ADORA2A: variants seen among roughly 807,000 people sequenced by gnomAD.
ADORA2A encodes the protein adenosine A2a receptor, also known as adenosine receptor A2a.
ADORA2A carries 11 observed loss-of-function variants against 18.4 expected under a neutral mutation model. That is an observed-to-expected ratio of 0.60 (90% CI 0.38 to 0.99). ADORA2A has a LOEUF of 0.99. ADORA2A is among the 50% of genes least tolerant of loss of function. The pLI is 0.01. For synonymous variants in ADORA2A, 218 were observed against 237.3 expected, an observed-to-expected ratio of 0.92 and a Z score of 0.75; for missense variants, 449 against 556.1, an observed-to-expected ratio of 0.81 and a Z score of 1.94.
intron 2 of ADORA2A, among the ~76,000 whole-genome samples, chr22:24,438,022 C>T (rs1045829385): frequency 6.6e-5 from 10 of 152,272 alleles, no homozygotes; most frequent in African/African-American, 2.4e-4. Context: ...AGGGCCCAGG[C>T]AGCTCTGCAA....
chr22:24,440,359 C>T (rs932592396), intron 2 of ADORA2A, among the ~76,000 whole-genome samples: 1 of 152,236 alleles, frequency 6.6e-6, no homozygotes, highest in Admixed American at 6.5e-5. Flanking sequence ...GTTTCCATTT[C>T]TTGGATGCCT....
intron 1 of ADORA2A, chr22:24,431,211 G>A (rs2043025727): frequency 4.4e-6 from 2 of 456,652 alleles, no homozygotes; most frequent in Non-Finnish European, 4.4e-6. Flanking sequence ...GGAGGACTCG[G>A]CCCTCTCCAG....
chr22:24,425,392 G>T (rs1291256656), upstream of ADORA2A, among the ~76,000 whole-genome samples: 1 of 130,120 alleles, frequency 7.7e-6, no homozygotes, highest in Non-Finnish European at 1.6e-5. Flanking sequence ...GCGCCTCACA[G>T]GCTGGTCCAC....
intron 2 of ADORA2A, chr22:24,438,543 C>T (rs2043236987): frequency 6.6e-6 from 1 of 152,238 alleles, no homozygotes; most frequent in South Asian, 2.1e-4. Context: ...ATGGGCAAGT[C>T]TATGACCCTC....
Position 24,433,266 on chromosome 22 carries a change from T to C in ADORA2A, c.-139T>C. 1 of 788,356 alleles carries C rather than the reference T, an allele frequency of 1.3e-6. No individual in the cohort carries two copies. The highest frequency in any genetic ancestry group is 2.0e-6 in the Non-Finnish European group (1 of 506,400). The allele number at this position is 788,356 out of a possible 1,614,324, so 48.8% of individuals were successfully genotyped here. ...GCGCCCCAGCAGGGCTGCACTTGGC[T>C]CCTGTGAGGAAGGGGCTCAGGGGTC... On this transcript the variant is annotated 5_prime_UTR_variant, in exon 2 of 3. Coordinates refer to ENST00000337539, the MANE Select transcript of ADORA2A (RefSeq NM_000675.6).
In ADORA2A at chr22:24,441,042, C is replaced by T. The variant is rs1419521243; in HGVS notation, c.792C>T (p.His264=). 7 of 1,614,062 alleles carry T rather than the reference C, an allele frequency of 4.3e-6. No individual in the cohort carries two copies. Among genetic ancestry groups the T allele is most frequent in the East Asian group, 2.2e-5 (1 of 44,900 alleles). The part of the protein sequence containing the change: ...CFTFFCPDCS[H]APLWLMYLAI... ...CTTTCTTCTGCCCCGACTGCAGCCA[C>T]GCCCCTCTCTGGCTCATGTACCTGG... Residue 264 remains histidine (H), a synonymous_variant, in exon 3 of 3, where the codon CAC becomes CAT. Coordinates refer to ENST00000337539, the MANE Select transcript of ADORA2A (RefSeq NM_000675.6).
chr22:24,440,694 G>A lies in ADORA2A; in HGVS notation c.444G>A (p.Gln148=). The A allele has an allele frequency of 1.2e-6, 2 of 1,613,954 alleles. No homozygotes were observed. The highest frequency in any genetic ancestry group is 1.7e-6 in the Non-Finnish European group (2 of 1,179,814). Residue 148 remains glutamine, a synonymous_variant, in exon 3 of 3, where the codon CAG becomes CAA. Transcript: ENST00000337539. The stretch of plus-strand genomic sequence containing the variant: ...TGCTAGGTTGGAACAACTGCGGTCA[G>A]CCAAAGGAGGGCAAGAACCACTCCC... ...TPMLGWNNCG[Q]PKEGKNHSQG...
chr22:24,426,085 TGA>T (rs2042916201), upstream of ADORA2A, among the ~76,000 whole-genome samples: 1 of 152,114 alleles, frequency 6.6e-6, no homozygotes, highest in Non-Finnish European at 1.5e-5. Context: ...GCATGTGACT[TGA>T]GAGCATCACG....
rs1447934892 is a variant in ADORA2A at position 24,433,125 on chromosome 22, T to G, written c.-274-6T>G. On this transcript the variant is annotated splice_polypyrimidine_tract_variant and splice_region_variant and intron_variant, in intron 1 of 2. Transcript: ENST00000337539. ...GTTCAGCTTCTCATCGGCTGTCCCT[T>G]TGCAGGTGCCTCAGGAACCCTGAAG... is the stretch of plus-strand genomic sequence containing the variant. 4 of 552,520 alleles carry G rather than the reference T, an allele frequency of 7.2e-6. No homozygotes were observed. In the East Asian group the frequency reaches 1.2e-4, roughly 17 times the overall value. 34.2% of individuals were successfully genotyped at this position (552,520 alleles called of 1,614,324 possible). A position where few individuals can be genotyped will look rare whatever the true frequency, so the allele number is the denominator to read the frequency against.
At chr22:24,424,889 G>T (rs940936296), upstream of ADORA2A, among the ~76,000 whole-genome samples, 1 of 151,904 alleles carries the variant, frequency 6.6e-6, no homozygotes, top group Non-Finnish European at 1.5e-5. This position sits in a 1 kb window ranked among gnomAD's most constrained non-coding sequence, Gnocchi z 4.9. Context: ...TAGTTGCCCC[G>T]ACTGTACCAT....
intron 1 of ADORA2A, chr22:24,429,409 T>C (rs2042972417): frequency 6.6e-6 from 1 of 152,270 alleles, no homozygotes; most frequent in Admixed American, 6.5e-5. Context: ...CAAGGGGTAA[T>C]CACAGAGAAG....
chr22:24,426,922 G>A (rs574716977), upstream of ADORA2A, among the ~76,000 whole-genome samples: 92 of 152,304 alleles, frequency 6.0e-4, no homozygotes, highest in African/African-American at 2.0e-3. Context: ...ACCACCCCCC[G>A]CCAACACCCC....
At chr22:24,425,337 ACCCCC>A (rs398036656), upstream of ADORA2A, among the ~76,000 whole-genome samples, 1 of 82,318 alleles carries the variant, frequency 1.2e-5, no homozygotes, top group Admixed American at 1.3e-4. Flanking sequence ...TGTGGGCAGC[ACCCCC>A]CCCCCCCCCG....
chr22:24,435,482 C>CT (rs1031541914), intron 2 of ADORA2A, among the ~76,000 whole-genome samples: 1 of 152,208 alleles, frequency 6.6e-6, no homozygotes, highest in Non-Finnish European at 1.5e-5. Context: ...AGGAGCTCGA[C>CT]TTTTTTTCTC....
intron 2 of ADORA2A, among the ~76,000 whole-genome samples, chr22:24,436,324 C>T (rs1568949272): frequency 1.3e-5 from 2 of 152,186 alleles, no homozygotes; most frequent in African/African-American, 4.8e-5. Flanking sequence ...CCTCTACGTG[C>T]CGTTTCCTGC....
chr22:24,438,919 C>A (rs151282640), intron 2 of ADORA2A, among the ~76,000 whole-genome samples: 2 of 151,988 alleles, frequency 1.3e-5, no homozygotes, highest in Admixed American at 1.3e-4. Context: ...AGCAGGCGTA[C>A]GTTTTGCATG....
upstream of ADORA2A, chr22:24,424,592 C>G (rs1001783870): frequency 6.6e-6 from 1 of 152,252 alleles, no homozygotes; most frequent in African/African-American, 2.4e-5. This position sits in a 1 kb window ranked among gnomAD's most constrained non-coding sequence, Gnocchi z 4.9. Flanking sequence ...GCGCCCGGGA[C>G]GCGCCGAGAA....
chr22:24,425,880 T>C (rs1419710394), upstream of ADORA2A, among the ~76,000 whole-genome samples: 1 of 152,226 alleles, frequency 6.6e-6, no homozygotes, highest in Admixed American at 6.5e-5. Flanking sequence ...ATGATGATCT[T>C]AGCAATGCCT....
In ADORA2A at chr22:24,433,229, A is replaced by C. The variant is rs1005275371; in HGVS notation, c.-176A>C. The C allele has an allele frequency of 1.6e-6, 1 of 621,070 alleles. No individual in the cohort carries two copies. Among genetic ancestry groups the C allele is most frequent in the African/African-American group, 1.8e-5 (1 of 54,182 alleles). The allele number at this position is 621,070 out of a possible 1,614,324, so 38.5% of individuals were successfully genotyped here. A position where few individuals can be genotyped will look rare whatever the true frequency, so the allele number is the denominator to read the frequency against. On this transcript the variant is annotated 5_prime_UTR_variant, in exon 2 of 3. Transcript: ENST00000337539. The stretch of plus-strand genomic sequence containing the variant: ...GGAGACTCAGAGTCCTCTGTGAAAA[A>C]GCCCTTGGAGAGCGCCCCAGCAGGG...
Sources: gnomAD v4.1 joint callset for allele counts (sites outside exome capture counted in the v4.1 genomes callset) on GRCh38, gnomAD v4.1.1 for gene constraint, Gnocchi (gnomAD v3.1) non-coding constraint, MANE v1.5 for transcripts, NCBI Gene and HGNC (gene_info 2026-07-23, HGNC 2026-07-21) for gene names.